RANGAP1: variants seen among roughly 807,000 people sequenced by gnomAD.
RANGAP1 encodes the protein ran GTPase-activating protein 1.
Under a neutral mutation model 63.5 loss-of-function variants are expected in RANGAP1, and 38 were observed. The observed-to-expected ratio is 0.60, with a 90% confidence interval of 0.46 to 0.78. The LOEUF (loss-of-function observed/expected upper bound fraction) is 0.78, where lower values mean the gene tolerates loss of function less well. Among genes scored for constraint, RANGAP1 ranks in the 30% least tolerant of loss-of-function variants. The pLI is 0.00. For missense variants in RANGAP1, 630 were observed against 740.3 expected (o/e 0.85, Z 1.73); for synonymous variants, 329 against 310.5 (o/e 1.06, Z -0.63).
At chr22:41,286,694 A>C (rs1326876921), upstream of RANGAP1, among the ~76,000 whole-genome samples, 2 of 152,376 alleles carry the variant, frequency 1.3e-5, no homozygotes, top group East Asian at 3.9e-4. Context: ...CTGATAATTA[A>C]AAAGGGGAAA....
At chr22:41,291,174 C>T (rs1242616061), upstream of RANGAP1, among the ~76,000 whole-genome samples, 1 of 152,224 alleles carries the variant, frequency 6.6e-6, no homozygotes, top group Non-Finnish European at 1.5e-5. Context: ...TGTTCCAGCT[C>T]CTGAAAAATC....
Position 41,255,262 on chromosome 22 carries a change from T to G in RANGAP1, c.1073+759A>C, listed in dbSNP as rs1043897956. Among the ~76,000 whole-genome samples the G allele has an allele frequency of 2.0e-5, 3 of 152,220 alleles. No individual in the cohort carries two copies. The South Asian group carries it at 6.2e-4, about 32-fold the overall frequency. ...TGGGACCTGTGAGGTTCAGCCCACC[T>G]CGGAGTCCCCAGTTCCTAGCCTCAG... is the stretch of plus-strand genomic sequence containing the variant. On this transcript the variant is annotated intron_variant, in intron 10 of 15. Coordinates refer to ENST00000356244, the MANE Select transcript of RANGAP1 (RefSeq NM_002883.4).
chr22:41,286,324 G>A (rs1350252043), upstream of RANGAP1: 5 of 152,290 alleles, frequency 3.3e-5, no homozygotes, highest in Non-Finnish European at 7.3e-5. Flanking sequence ...CCCCATCTGG[G>A]AGCGCGATGG....
chr22:41,283,214 A>C (rs112351937), intron 1 of RANGAP1, among the ~76,000 whole-genome samples: 1 of 111,454 alleles, frequency 9.0e-6, no homozygotes, highest in Admixed American at 1.0e-4. Flanking sequence ...TAAAAAAAAA[A>C]GGGGGGGGTT....
rs893052832 is a variant in RANGAP1, at chr22:41,249,558, C to T, written c.1573-107G>A. On this transcript the variant is annotated intron_variant, in intron 14 of 15. Coordinates refer to ENST00000356244, the MANE Select transcript of RANGAP1 (RefSeq NM_002883.4). Reference sequence around the variant, plus strand: ...GATAGTGCCCACAACTGAGTCTAGCCGGAATCTCATCGTGAAGACCAAGGC... The same window carrying T: ...GATAGTGCCCACAACTGAGTCTAGCTGGAATCTCATCGTGAAGACCAAGGC... 36 of 1,564,186 alleles carry T rather than the reference C, an allele frequency of 2.3e-5. No homozygotes were observed. In the South Asian group the frequency reaches 2.7e-4, roughly 12 times the overall value.
chr22:41,260,012 A>ATT (rs139514), intron 6 of RANGAP1, among the ~76,000 whole-genome samples: 27 of 146,754 alleles, frequency 1.8e-4, no homozygotes, highest in African/African-American at 1.5e-4. Flanking sequence ...CCTCAATAAA[A>ATT]TTTTTTTTTT....
intron 1 of RANGAP1, chr22:41,281,283 A>C: frequency 1.3e-6 from 1 of 797,078 alleles, no homozygotes; most frequent in South Asian, 3.3e-5. Context: ...AAAGAACAGA[A>C]AAATCATGTC....
chr22:41,270,971 G>T (rs568255455), intron 3 of RANGAP1, among the ~76,000 whole-genome samples: 2 of 152,054 alleles, frequency 1.3e-5, no homozygotes, highest in East Asian at 3.9e-4. Flanking sequence ...AGGGCACACC[G>T]CCTGGCTTCC....
Position 41,246,321 on chromosome 22 carries a change from G to A in RANGAP1, c.*282C>T, listed in dbSNP as rs540244285. The A allele has an allele frequency of 3.0e-5, 9 of 302,056 alleles. No homozygotes were observed. Among genetic ancestry groups the A allele is most frequent in the African/African-American group, 1.1e-4 (5 of 46,142 alleles). 18.7% of individuals were successfully genotyped at this position (302,056 alleles called of 1,614,324 possible). ...CTCAGGTGGAGGTGAGTTTAATGGC[G>A]GAGCAGCTCACAGCCCTTTCCCCTG... is the stretch of plus-strand genomic sequence containing the variant. On this transcript the variant is annotated 3_prime_UTR_variant, in exon 16 of 16. Transcript: ENST00000356244.
chr22:41,286,415 G>C (rs1462264892), upstream of RANGAP1, among the ~76,000 whole-genome samples: 2 of 152,246 alleles, frequency 1.3e-5, no homozygotes, highest in African/African-American at 4.8e-5. Flanking sequence ...CCCTCCCCTG[G>C]TGGCTTCTGG....
At chr22:41,274,990 A>G (rs1476339534) in intron 2 of RANGAP1, among the ~76,000 whole-genome samples, 1 of 152,020 alleles carries the variant, frequency 6.6e-6, no homozygotes, top group Non-Finnish European at 1.5e-5. Context: ...CACAGCAAAG[A>G]AGACTTTGCC....
chr22:41,248,192 G>T (rs1370558127), intron 15 of RANGAP1, among the ~76,000 whole-genome samples: 2 of 151,346 alleles, frequency 1.3e-5, no homozygotes, highest in Non-Finnish European at 2.9e-5. Context: ...CTGGGGTGGG[G>T]TGGGGTGGGG....
In RANGAP1 at chr22:41,257,761, G is replaced by A. The variant is rs1020909442; in HGVS notation, c.774+187C>T. ...AGAATCAGAGCTGCCCGAGGAGGGC[G>A]TGGGTTACCTTGGGACCTGCAACCC... is the stretch of plus-strand genomic sequence containing the variant. On this transcript the variant is annotated intron_variant, in intron 7 of 15. Coordinates refer to ENST00000356244, the MANE Select transcript of RANGAP1 (RefSeq NM_002883.4). The surrounding 1 kb of genome is among the most constrained non-coding windows in gnomAD (Gnocchi z 4.0). 3.9e-5 allele frequency among the ~76,000 whole-genome samples: 6 copies of A among 152,226 alleles called. No homozygotes were observed. The highest frequency in any genetic ancestry group is 1.9e-4 in the East Asian group (1 of 5,196).
intron 2 of RANGAP1, chr22:41,277,386 G>T: frequency 9.6e-7 from 1 of 1,042,548 alleles, no homozygotes; most frequent in South Asian, 1.4e-5. Context: ...CCGAAAGTGA[G>T]GATATATTTT....
rs776647322 is a variant in RANGAP1 at position 41,245,795 on chromosome 22, G to C, written c.*808C>G. The C allele has an allele frequency of 6.6e-6, 1 of 152,498 alleles. No individual in the cohort carries two copies. Among genetic ancestry groups the C allele is most frequent in the Non-Finnish European group, 1.5e-5 (1 of 68,292 alleles). The allele number at this position is 152,498 out of a possible 1,614,324, so 9.4% of individuals were successfully genotyped here. A position where few individuals can be genotyped will look rare whatever the true frequency, so the allele number is the denominator to read the frequency against. On this transcript the variant is annotated 3_prime_UTR_variant, in exon 16 of 16. Coordinates refer to ENST00000356244, the MANE Select transcript of RANGAP1 (RefSeq NM_002883.4). ...TAAGAGCAGCGTCCAGATGCAGCTC[G>C]GACATTGGGGACCCTGCCTCTCCCT... is the stretch of plus-strand genomic sequence containing the variant.
intron 9 of RANGAP1, 30 bp from the exon 10 acceptor site, chr22:41,256,135 C>G: frequency 6.2e-7 from 1 of 1,613,994 alleles, no homozygotes; most frequent in Non-Finnish European, 8.5e-7. Context: ...AGCAGTCAGC[C>G]GGGGTGCCAG....
At chr22:41,291,981 G>C in the RANGAP1 span, among the ~76,000 whole-genome samples, 1 of 151,740 alleles carries the variant, frequency 6.6e-6, no homozygotes, top group Non-Finnish European at 1.5e-5. Flanking sequence ...GGGTGCAGTG[G>C]TGCAATCTCG....
intron 6 of RANGAP1, among the ~76,000 whole-genome samples, chr22:41,259,533 T>C (rs1310776401): frequency 6.6e-6 from 1 of 152,176 alleles, no homozygotes; most frequent in Non-Finnish European, 1.5e-5. Flanking sequence ...CATGCTGTAG[T>C]GATATACAAA....
chr22:41,289,781 C>T (rs1247262688), upstream of RANGAP1, among the ~76,000 whole-genome samples: 1 of 152,142 alleles, frequency 6.6e-6, no homozygotes. Context: ...TGGATAGTGT[C>T]ATCCAAGACT....
Sources: gnomAD v4.1 joint callset for allele counts (sites outside exome capture counted in the v4.1 genomes callset) on GRCh38, gnomAD v4.1.1 for gene constraint, Gnocchi (gnomAD v3.1) non-coding constraint, MANE v1.5 for transcripts, NCBI Gene and HGNC (gene_info 2026-07-23, HGNC 2026-07-21) for gene names.